Variants in TBX1 observed in about 807,000 individuals in gnomAD.
TBX1 encodes the protein T-box transcription factor TBX1.
In TBX1, 16 loss-of-function variants were observed where a neutral mutation model predicts 40.8. The observed-to-expected ratio is 0.39, with a 90% CI of 0.27 to 0.60. The LOEUF (loss-of-function observed/expected upper bound fraction) is 0.60. Ranked by LOEUF, TBX1 falls within the 20% of genes least tolerant of loss-of-function variation. The pLI is 0.51. For synonymous variants in TBX1, 403 were observed against 336.8 expected (o/e 1.20, Z -2.15); for missense variants, 755 against 728.5 (o/e 1.04, Z -0.42).
rs1461099560 is a variant in TBX1, at chr22:19,760,958, G to A, written c.115G>A (p.Ala39Thr). The A allele has an allele frequency of 4.0e-6, 4 of 994,212 alleles. No individual in the cohort carries two copies. The highest frequency in any genetic ancestry group is 3.9e-5 in the South Asian group (1 of 25,516). 61.6% of individuals were successfully genotyped at this position (994,212 alleles called of 1,614,324 possible). A position where few individuals can be genotyped will look rare whatever the true frequency, so the allele number is the denominator to read the frequency against. Residue 39 changes from alanine (A) to threonine (T), a missense_variant, in exon 1 of 7, where the codon GCC (alanine) becomes ACC (threonine). By Grantham distance (58) the Ala-to-Thr change is moderately conservative. Coordinates refer to ENST00000649276, the MANE Select transcript of TBX1 (RefSeq NM_001379200.1). ...SLGAAGGFPG[A>T]ASPGADPYGP... ...GGGGGCCGCGGGGGGCTTCCCGGGC[G>A]CCGCGTCGCCCGGCGCCGACCCGTA...
chr22:19,762,150 C>T (rs1265499537), intron 1 of TBX1, among the ~76,000 whole-genome samples: 2 of 152,228 alleles, frequency 1.3e-5, no homozygotes, highest in East Asian at 3.8e-4. Context: ...TCCAGGCCCT[C>T]CTTGCTGTCC....
intron 1 of TBX1, 65 bp downstream of exon 1, chr22:19,761,345 G>C (rs952550893): frequency 1.4e-6 from 2 of 1,452,250 alleles, no homozygotes; most frequent in African/African-American, 2.9e-5. Context: ...GCGGGCCTCC[G>C]CCTGATCCGC....
upstream of TBX1, chr22:19,759,777 A>G (rs372859430): frequency 1.5e-6 from 2 of 1,374,104 alleles, no homozygotes; most frequent in African/African-American, 1.4e-5. Context: ...AGCTCTTGGT[A>G]GCGTGGGCTC....
upstream of TBX1, among the ~76,000 whole-genome samples, chr22:19,760,185 T>TA (rs983249681): frequency 9.3e-6 from 1 of 107,460 alleles, no homozygotes; most frequent in Non-Finnish European, 2.0e-5. Context: ...AGCGAAGTCA[T>TA]AAAAAAGAAA....
chr22:19,779,261 T>C (rs1937112768), exon 9 of TBX1: 1 of 1,614,102 alleles, frequency 6.2e-7, no homozygotes, highest in Non-Finnish European at 8.5e-7. Context: ...AGCTGAGACG[T>C]CTAGGAACAC....
At chr22:19,778,669 A>C (rs1937103363) in intron 8 of TBX1, among the ~76,000 whole-genome samples, 1 of 152,170 alleles carries the variant, frequency 6.6e-6, no homozygotes, top group Non-Finnish European at 1.5e-5. Flanking sequence ...TCCTGGGCTC[A>C]AATGATCCGC....
chr22:19,765,242 C>A, intron 4 of TBX1, 129 bp downstream of exon 4: 1 of 1,396,558 alleles, frequency 7.2e-7, no homozygotes, highest in Non-Finnish European at 1.0e-6. Context: ...GAGCCCAACC[C>A]AACTGGAGCC....
At chr22:19,778,643 C>T (rs56247247) in intron 8 of TBX1, among the ~76,000 whole-genome samples, 1 of 152,098 alleles carries the variant, frequency 6.6e-6, no homozygotes, top group Non-Finnish European at 1.5e-5. Flanking sequence ...CCATGTTGGG[C>T]AGGCTGATCT....
Position 19,765,195 on chromosome 22 carries a change from G to C in TBX1, c.867+82G>C, listed in dbSNP as rs1601291269. 2.5e-6 allele frequency: 4 copies of C among 1,598,176 alleles called. No homozygotes were observed. In the East Asian group the frequency reaches 8.9e-5, roughly 36 times the overall value. On this transcript the variant is annotated intron_variant, in intron 4 of 6. Coordinates refer to ENST00000649276, the MANE Select transcript of TBX1 (RefSeq NM_001379200.1). ...AATTTTCAGTTGCCGTTTGGGGACA[G>C]TGGGTCCGCTTAGACCTGCAGGCTG...
chr22:19,765,246 T>A lies in TBX1; in HGVS notation c.867+133T>A, dbSNP rs374190434. On this transcript the variant is annotated intron_variant, in intron 4 of 6. Transcript: ENST00000649276. ...TGGTCCCAGTGGAGCCCAACCCAACTGGAGCCCCACTCCCAAGGGCCTCAG... is the reference window on the plus strand; with the variant it reads ...TGGTCCCAGTGGAGCCCAACCCAACAGGAGCCCCACTCCCAAGGGCCTCAG... 3.2e-5 allele frequency: 44 copies of A among 1,379,826 alleles called. No individual in the cohort carries two copies. In the African/African-American group the frequency reaches 4.4e-4, roughly 14 times the overall value. The allele number at this position is 1,379,826 out of a possible 1,614,324, so 85.5% of individuals were successfully genotyped here. A position where few individuals can be genotyped will look rare whatever the true frequency, so the allele number is the denominator to read the frequency against.
At chr22:19,761,989 G>C (rs972715814) in intron 1 of TBX1, among the ~76,000 whole-genome samples, 2 of 152,238 alleles carry the variant, frequency 1.3e-5, no homozygotes, top group African/African-American at 2.4e-5. Flanking sequence ...GTGCCGCGCT[G>C]TGTCTAATGT....
chr22:19,761,029 C>A lies in TBX1; in HGVS notation c.186C>A (p.Cys62Ter), dbSNP rs2145827917. 1.1e-6 allele frequency: 1 copy of A among 882,302 alleles called. No individual in the cohort carries two copies. The highest frequency in any genetic ancestry group is 1.4e-6 in the Non-Finnish European group (1 of 739,334). 54.7% of individuals were successfully genotyped at this position (882,302 alleles called of 1,614,324 possible). The change falls in exon 1 of 7, where the codon TGC (cysteine) becomes TGA (stop). Residue 62 changes from cysteine (C) to a stop codon, truncating the protein, a stop_gained. Transcript: ENST00000649276. LOFTEE classifies it high-confidence loss of function. The part of the protein sequence containing the change: ...PPPPPPRYDP[C>*]AAAAPGAPGP... Reference sequence around the variant, plus strand: ...CGCCGCCGCCGCGCTACGACCCGTGCGCCGCCGCCGCCCCCGGCGCCCCGG... The same window carrying A: ...CGCCGCCGCCGCGCTACGACCCGTGAGCCGCCGCCGCCCCCGGCGCCCCGG...
At chr22:19,759,426 C>T, upstream of TBX1, 1 of 1,342,704 alleles carries the variant, frequency 7.4e-7, no homozygotes, top group Non-Finnish European at 9.6e-7. Context: ...GTGGGCTGGG[C>T]TGGGCTGGGC....
At position 19,766,698 on chromosome 22, in the gene TBX1, G is replaced by A. The variant is rs1177085596; in HGVS notation, c.1346G>A (p.Gly449Asp). The change falls in exon 7 of 7, where the codon GGC (glycine) becomes GAC (aspartate). Residue 449 changes from glycine to aspartate, a missense_variant. Coordinates refer to ENST00000649276, the MANE Select transcript of TBX1 (RefSeq NM_001379200.1). The stretch of plus-strand genomic sequence containing the variant: ...CGGCCGGCGCCCTACCCGCTGCCCG[G>A]CCTGCGTGGCCACGGCTACCACCCG... ...KSRPAPYPLP[G>D]LRGHGYHPHA... 5 of 1,546,664 alleles carry A rather than the reference G, an allele frequency of 3.2e-6. No homozygotes were observed. In the Admixed American group the frequency reaches 5.5e-5, roughly 17 times the overall value.
Position 19,765,842 on chromosome 22 carries a change from G to C in TBX1, c.935+17G>C. On this transcript the variant is annotated intron_variant, in intron 5 of 6. Transcript: ENST00000649276. The stretch of plus-strand genomic sequence containing the variant: ...TGAGGACTGGTGAGTGTCCTCCCCC[G>C]AGAGAGTGAGCGCCGGGCGCCTGGC... 6.3e-7 allele frequency: 1 copy of C among 1,593,260 alleles called. No individual in the cohort carries two copies. Among genetic ancestry groups the C allele is most frequent in the Non-Finnish European group, 8.5e-7 (1 of 1,170,810 alleles).
At chr22:19,768,937 C>A (rs924701531), downstream of TBX1, among the ~76,000 whole-genome samples, 5 of 128,168 alleles carry the variant, frequency 3.9e-5, no homozygotes, top group Admixed American at 2.6e-4. Context: ...GCTGGCCATC[C>A]GGGGCTGTTC....
chr22:19,774,999 T>C (rs1937043972), intron 8 of TBX1, among the ~76,000 whole-genome samples: 2 of 152,192 alleles, frequency 1.3e-5, no homozygotes, highest in Admixed American at 6.5e-5. Context: ...CAGGCTAGCC[T>C]CGAACTCGGG....
chr22:19,760,065 C>T (rs529336822), upstream of TBX1, among the ~76,000 whole-genome samples: 1 of 150,908 alleles, frequency 6.6e-6, no homozygotes, highest in South Asian at 2.1e-4. Context: ...GGGGAGAAAA[C>T]ACAAAAAACC....
chr22:19,764,924 A>G (rs764287508), intron 3 of TBX1, 34 bp from the exon 4 acceptor site: 1 of 1,613,242 alleles, frequency 6.2e-7, no homozygotes, highest in Non-Finnish European at 8.5e-7. Context: ...GCCCAGCCCC[A>G]CCGCTGGAGC....
Sources: allele counts gnomAD v4.1 joint callset (sites outside exome capture counted in the v4.1 genomes callset), GRCh38; gene constraint gnomAD v4.1.1; transcripts MANE v1.5; gene names NCBI Gene and HGNC (gene_info 2026-07-23, HGNC 2026-07-21).